CARS2: variants seen among roughly 807,000 people sequenced by gnomAD.
CARS2 encodes cysteinyl-tRNA synthetase 2, mitochondrial.
In CARS2, 52 loss-of-function variants were observed where a neutral mutation model predicts 68.8. The ratio of observed to expected loss-of-function variants is 0.76; its 90% CI spans 0.61 to 0.95. CARS2 has a LOEUF of 0.95. Among genes scored for constraint, CARS2 ranks in the 40% least tolerant of loss-of-function variants. The probability of loss-of-function intolerance (pLI) is 0.00; values close to 1 mark genes in which losing one functional copy is unlikely to be tolerated. For synonymous variants in CARS2, 314 were observed against 303.6 expected, an observed-to-expected ratio of 1.03 and a Z score of -0.36; for missense variants, 780 against 754.2, an observed-to-expected ratio of 1.03 and a Z score of -0.40.
chr13:110,644,720 A>G, intron 12 of CARS2: 1 of 581,970 alleles, frequency 1.7e-6, no homozygotes, highest in Non-Finnish European at 2.8e-6. Flanking sequence ...GTGGGTGGTG[A>G]CTAGCTCATC....
chr13:110,654,471 A>C (rs2062309016), intron 9 of CARS2, among the ~76,000 whole-genome samples: 1 of 152,152 alleles, frequency 6.6e-6, no homozygotes, highest in Admixed American at 6.6e-5. Flanking sequence ...TAGGGCAATA[A>C]CTTAACATCT....
intron 9 of CARS2, among the ~76,000 whole-genome samples, chr13:110,661,547 G>C (rs2062504314): frequency 6.6e-6 from 1 of 152,226 alleles, no homozygotes; most frequent in African/African-American, 2.4e-5. Flanking sequence ...GTGTTCGCTG[G>C]AATAGCACTT....
chr13:110,648,370 C>A (rs1406268405), intron 10 of CARS2: 1 of 152,184 alleles, frequency 6.6e-6, no homozygotes, highest in Non-Finnish European at 1.5e-5. Context: ...CAGACAGATG[C>A]CCAGGATGGA....
chr13:110,707,824 G>A (rs1193066655), upstream of CARS2, among the ~76,000 whole-genome samples: 8 of 152,202 alleles, frequency 5.3e-5, no homozygotes, highest in South Asian at 6.2e-4. Flanking sequence ...AGACAAACAA[G>A]TGTGTACCTA....
intron 7 of CARS2, among the ~76,000 whole-genome samples, chr13:110,673,256 C>T (rs973266052): frequency 2.6e-5 from 4 of 152,088 alleles, no homozygotes; most frequent in African/African-American, 7.2e-5. Flanking sequence ...AGAGACACAA[C>T]AAAAAAGGAG....
At position 110,652,197 on chromosome 13, in the gene CARS2, C is replaced by A. The variant is rs2062233927; in HGVS notation, c.988-1097G>T. Among the ~76,000 whole-genome samples the A allele has an allele frequency of 2.0e-5, 3 of 152,380 alleles. No individual in the cohort carries two copies. In the South Asian group the frequency reaches 6.2e-4, roughly 32 times the overall value. ...ATACCCTCTTCTCTAGGCTGATGGG[C>A]AGCAACACAAGCCCAGAGCACAGGG... On this transcript the variant is annotated intron_variant, in intron 9 of 14. Transcript: ENST00000257347.
exon 1 of CARS2, chr13:110,713,303 C>T (rs1209618509): frequency 1.1e-5 from 13 of 1,220,160 alleles, no homozygotes; most frequent in East Asian, 3.7e-5. Flanking sequence ...TGCTGTGTAC[C>T]ATGGTCTCGG....
intron 3 of CARS2, among the ~76,000 whole-genome samples, chr13:110,697,169 G>A (rs2139906448): frequency 6.6e-6 from 1 of 152,340 alleles, no homozygotes; most frequent in African/African-American, 2.4e-5. Flanking sequence ...TGAAAGCCCC[G>A]AACCACTGAC....
intron 7 of CARS2, among the ~76,000 whole-genome samples, chr13:110,673,084 A>C (rs1594315292): frequency 6.6e-6 from 1 of 152,354 alleles, no homozygotes; most frequent in African/African-American, 2.4e-5. Flanking sequence ...ATAGCCTACC[A>C]ACCAGAAAAA....
At chr13:110,685,845 T>G (rs1346314403) in intron 5 of CARS2, among the ~76,000 whole-genome samples, 1 of 152,022 alleles carries the variant, frequency 6.6e-6, no homozygotes, top group Non-Finnish European at 1.5e-5. Flanking sequence ...ACGCCAGCCT[T>G]GCCTGGGGTC....
At chr13:110,692,057 CAT>C (rs375987244) in intron 3 of CARS2, among the ~76,000 whole-genome samples, 63 of 133,426 alleles carry the variant, frequency 4.7e-4, no homozygotes, top group Middle Eastern at 4.1e-3. Context: ...TACACATATA[CAT>C]ATATATATAC....
chr13:110,682,900 A>G, intron 6 of CARS2, 151 bp downstream of exon 6: 1 of 475,038 alleles, frequency 2.1e-6, no homozygotes. Context: ...AGCCATCCAC[A>G]GAAACCACAC....
At chr13:110,669,040 C>T (rs2062729725) in intron 7 of CARS2, among the ~76,000 whole-genome samples, 1 of 152,016 alleles carries the variant, frequency 6.6e-6, no homozygotes, top group Non-Finnish European at 1.5e-5. Flanking sequence ...GGTGACTGGA[C>T]ATTTTTACTT....
chr13:110,650,980 G>C (rs1244168348), intron 10 of CARS2, 54 bp downstream of exon 10: 6 of 1,357,418 alleles, frequency 4.4e-6, no homozygotes, highest in Non-Finnish European at 6.3e-6. Flanking sequence ...AGTCCTGTCA[G>C]AATGACTGTC....
intron 3 of CARS2, among the ~76,000 whole-genome samples, chr13:110,698,609 GA>G (rs1368511715): frequency 6.6e-6 from 1 of 152,064 alleles, no homozygotes; most frequent in African/African-American, 2.4e-5. Flanking sequence ...AACTCATGTT[GA>G]AATTTATTTG....
rs2062763354 is a variant in CARS2 at position 110,670,200 on chromosome 13, G to A, written c.786-2727C>T. ...TTAAACGTTCCTGACTGACAGCTTT[G>A]AAGAGTAGTGGTTCTCCCAGCACGG... On this transcript the variant is annotated intron_variant, in intron 7 of 14. Transcript: ENST00000257347. The surrounding 1 kb of genome is among the most constrained non-coding windows in gnomAD (Gnocchi z 4.1). Among the ~76,000 whole-genome samples, 1 of 152,214 alleles carries A rather than the reference G, an allele frequency of 6.6e-6. No individual in the cohort carries two copies. Among genetic ancestry groups the A allele is most frequent in the South Asian group, 2.1e-4 (1 of 4,828 alleles).
At chr13:110,680,179 G>A (rs1208560366) in intron 6 of CARS2, among the ~76,000 whole-genome samples, 1 of 150,542 alleles carries the variant, frequency 6.6e-6, no homozygotes, top group African/African-American at 2.5e-5. Flanking sequence ...ATCACCTGAG[G>A]TCAGGAGTTC....
rs1283957504 is a variant in CARS2 at position 110,683,084 on chromosome 13, C to T, written c.622G>A (p.Val208Ile). ...KSRGDKYGKL[V>I]GVVPGPVGEP... The stretch of plus-strand genomic sequence containing the variant: ...CCGACTGGACCAGGGACCACGCCGA[C>T]CAATTTGCCATACTTGTCTCCTCTA... The change falls in exon 6 of 15, where the codon GTC (valine) becomes ATC (isoleucine). Residue 208 changes from valine to isoleucine, a missense_variant. By Grantham distance (29) the Val-to-Ile change is conservative. Transcript: ENST00000257347. 6.2e-7 allele frequency: 1 copy of T among 1,602,362 alleles called. No individual in the cohort carries two copies. The highest frequency in any genetic ancestry group is 8.5e-7 in the Non-Finnish European group (1 of 1,175,882).
At chr13:110,699,375 C>T (rs532559300) in intron 3 of CARS2, among the ~76,000 whole-genome samples, 108 of 152,298 alleles carry the variant, frequency 7.1e-4, no homozygotes, top group African/African-American at 2.3e-3. Context: ...TGACCATGGA[C>T]GCCGGTGACA....
Sources: allele counts gnomAD v4.1 joint callset (sites outside exome capture counted in the v4.1 genomes callset), GRCh38; gene constraint gnomAD v4.1.1; non-coding constraint Gnocchi (gnomAD v3.1); transcripts MANE v1.5; gene names NCBI Gene and HGNC (gene_info 2026-07-23, HGNC 2026-07-21).